The following C3orf20 variants were observed in gnomAD, a reference collection of about 807,000 sequenced individuals.
C3orf20 encodes the protein uncharacterized protein C3orf20.
Under a neutral mutation model 88.3 loss-of-function variants are expected in C3orf20, and 76 were observed. The observed-to-expected ratio is 0.86, with a 90% CI of 0.72 to 1.04. The LOEUF is 1.04. C3orf20 is among the 50% of genes least tolerant of loss of function. The pLI is 0.00. For synonymous variants in C3orf20, 436 were observed against 437.4 expected (o/e 1.00, Z 0.04); for missense variants, 1,056 against 1,123.3 (o/e 0.94, Z 0.86).
intron 7 of C3orf20, among the ~76,000 whole-genome samples, chr3:14,712,003 G>C (rs183817309): frequency 6.6e-6 from 1 of 151,706 alleles, no homozygotes; most frequent in East Asian, 1.9e-4. Flanking sequence ...TGGGTTAAAT[G>C]GTGTCTCTCA....
Position 14,714,119 on chromosome 3 carries a change from A to G in C3orf20, c.1273A>G (p.Thr425Ala). ...PGFSLLALFN[T>A]EGQGCVHYNL... Reference sequence around the variant, plus strand: ...ATTCTCCTTGCTGGCCCTATTCAATACTGAAGGCCAGGGCTGTGTTCACTA... The same window carrying G: ...ATTCTCCTTGCTGGCCCTATTCAATGCTGAAGGCCAGGGCTGTGTTCACTA... The change falls in exon 8 of 17, where the codon ACT becomes GCT. Residue 425 changes from threonine to alanine, a missense_variant. Coordinates refer to ENST00000253697, the MANE Select transcript of C3orf20 (RefSeq NM_032137.5). 6.2e-7 allele frequency: 1 copy of G among 1,614,048 alleles called. No individual in the cohort carries two copies. The highest frequency in any genetic ancestry group is 8.5e-7 in the Non-Finnish European group (1 of 1,180,008).
chr3:14,703,395 T>C (rs2033359763), intron 6 of C3orf20, 133 bp downstream of exon 6: 2 of 1,425,150 alleles, frequency 1.4e-6, no homozygotes, highest in Non-Finnish European at 1.9e-6. Flanking sequence ...GAGCGTGGGT[T>C]ATGTGGTACT....
At chr3:14,693,350 A>G (rs2032825696) in intron 5 of C3orf20, among the ~76,000 whole-genome samples, 1 of 152,322 alleles carries the variant, frequency 6.6e-6, no homozygotes, top group Non-Finnish European at 1.5e-5. Context: ...CTTCCAATCC[A>G]TGAACATGGA....
chr3:14,740,500 A>G (rs1202069727), intron 12 of C3orf20, among the ~76,000 whole-genome samples: 1 of 152,232 alleles, frequency 6.6e-6, no homozygotes, highest in East Asian at 1.9e-4. Context: ...TGCAGGAATT[A>G]CCAAATGTGA....
Position 14,759,986 on chromosome 3 carries a change from G to T in C3orf20, c.2340G>T (p.Gln780His), listed in dbSNP as rs1269799819. 1.9e-6 allele frequency: 3 copies of T among 1,613,882 alleles called. No homozygotes were observed. The highest frequency in any genetic ancestry group is 1.7e-6 in the Non-Finnish European group (2 of 1,179,740). ...TGGTGAAGAAGAACTCTGTGGTGCAGGGGATGATTCTGGTGAGCCAGCAGG... is the reference window on the plus strand; with the variant it reads ...TGGTGAAGAAGAACTCTGTGGTGCATGGGATGATTCTGGTGAGCCAGCAGG... ...PLMVKKNSVV[Q>H]GMILMFAGGK... The change falls in exon 14 of 17, where the codon CAG becomes CAT. Residue 780 changes from glutamine to histidine, a missense_variant. By Grantham distance (24) the Gln-to-His change is conservative. Coordinates refer to ENST00000253697, the MANE Select transcript of C3orf20 (RefSeq NM_032137.5).
At chr3:14,704,087 C>G (rs1276432461) in intron 6 of C3orf20, among the ~76,000 whole-genome samples, 1 of 152,186 alleles carries the variant, frequency 6.6e-6, no homozygotes, top group African/African-American at 2.4e-5. Flanking sequence ...ACACACACTC[C>G]TACTCCATAG....
At chr3:14,757,733 C>A (rs2035422268) in intron 13 of C3orf20, 59 bp downstream of exon 13, 1 of 1,490,374 alleles carries the variant, frequency 6.7e-7, no homozygotes, top group African/African-American at 1.4e-5. Flanking sequence ...GTGGGGCAGT[C>A]CGAGAAAACC....
chr3:14,755,887 G>A (rs529713861), intron 12 of C3orf20, among the ~76,000 whole-genome samples: 226 of 152,008 alleles, frequency 1.5e-3, no homozygotes, highest in Non-Finnish European at 2.7e-3. Context: ...AACTTAGCCA[G>A]GCGTGGTGGT....
intron 12 of C3orf20, among the ~76,000 whole-genome samples, chr3:14,750,576 T>C (rs2035190872): frequency 6.6e-6 from 1 of 151,024 alleles, no homozygotes. Flanking sequence ...AAAAAAATTC[T>C]AGGCTGACAA....
intron 6 of C3orf20, 107 bp from the exon 7 acceptor site, chr3:14,704,230 C>T (rs2124936913): frequency 2.6e-6 from 3 of 1,169,784 alleles, no homozygotes; most frequent in Middle Eastern, 5.5e-4. Flanking sequence ...ACTTTGGGGA[C>T]AGGGGAATGG....
At chr3:14,770,555 C>T (rs1269375851) in intron 15 of C3orf20, among the ~76,000 whole-genome samples, 2 of 152,180 alleles carry the variant, frequency 1.3e-5, no homozygotes, top group African/African-American at 4.8e-5. Context: ...AGTCCCTCCA[C>T]ACCCACTTCC....
chr3:14,727,431 G>A (rs1384993982), intron 11 of C3orf20, among the ~76,000 whole-genome samples: 2 of 151,986 alleles, frequency 1.3e-5, no homozygotes, highest in Non-Finnish European at 2.9e-5. Context: ...TTCTTTTTGT[G>A]GATCTCAGAA....
At chr3:14,699,879 A>C (rs2033175337) in intron 5 of C3orf20, among the ~76,000 whole-genome samples, 1 of 152,130 alleles carries the variant, frequency 6.6e-6, no homozygotes, top group Non-Finnish European at 1.5e-5. Context: ...GTTTATTTAG[A>C]ACTCCAGAGC....
rs1000381781 is a variant in C3orf20 at position 14,772,846 on chromosome 3, A to T, written c.2686A>T (p.Ser896Cys). 3.7e-6 allele frequency: 6 copies of T among 1,614,074 alleles called. No individual in the cohort carries two copies. Among genetic ancestry groups the T allele is most frequent in the Non-Finnish European group, 8.5e-7 (1 of 1,179,970 alleles). Residue 896 changes from serine to cysteine, a missense_variant, in exon 17 of 17, where the codon AGT becomes TGT. Coordinates refer to ENST00000253697, the MANE Select transcript of C3orf20 (RefSeq NM_032137.5). The surrounding 1 kb of genome is among the most constrained non-coding windows in gnomAD (Gnocchi z 4.2). ...TCTCAGCAGGGACAGCAAGATAACT[A>T]GTTGGAAGAAGCAGGCCTCCAAGAA... ...HPLSRDSKIT[S>C]WKKQASKK
Position 14,703,205 on chromosome 3 carries a change from A to G in C3orf20, c.821A>G (p.Glu274Gly), listed in dbSNP as rs760384055. The change falls in exon 6 of 17, where the codon GAG becomes GGG. Residue 274 changes from glutamate to glycine, a missense_variant. Coordinates refer to ENST00000253697, the MANE Select transcript of C3orf20 (RefSeq NM_032137.5). The stretch of plus-strand genomic sequence containing the variant: ...GTGGGAACCCCTGCCAACAGCCTGG[A>G]GTTCAGCGACCCCTGCCCTGAGGCC... ...RGVGTPANSL[E>G]FSDPCPEARE... The G allele has an allele frequency of 1.2e-6, 2 of 1,614,158 alleles. No individual in the cohort carries two copies. Among genetic ancestry groups the G allele is most frequent in the Non-Finnish European group, 1.7e-6 (2 of 1,180,014 alleles).
chr3:14,767,522 GGAGTGAGTT>G (rs2035748546), intron 15 of C3orf20: 1 of 152,204 alleles, frequency 6.6e-6, no homozygotes, highest in African/African-American at 2.4e-5. Flanking sequence ...CATTCTCAGA[GGAGTGAGTT>G]GAGAGGATCA....
chr3:14,751,566 G>A (rs1201904639), intron 12 of C3orf20, among the ~76,000 whole-genome samples: 1 of 152,184 alleles, frequency 6.6e-6, no homozygotes, highest in East Asian at 1.9e-4. Flanking sequence ...TGACATGATT[G>A]TATATTTAGA....
chr3:14,691,179 C>T (rs1435335524), intron 5 of C3orf20, among the ~76,000 whole-genome samples: 1 of 152,206 alleles, frequency 6.6e-6, no homozygotes, highest in Non-Finnish European at 1.5e-5. Context: ...GAGCTGACCT[C>T]CTCCTTCCGG....
Position 14,690,053 on chromosome 3 carries a change from C to T in C3orf20, c.682C>T (p.His228Tyr). The T allele has an allele frequency of 6.2e-7, 1 of 1,614,220 alleles. No homozygotes were observed. Among genetic ancestry groups the T allele is most frequent in the Middle Eastern group, 1.6e-4 (1 of 6,062 alleles). The change falls in exon 5 of 17, where the codon CAC becomes TAC. Residue 228 changes from histidine (H) to tyrosine (Y), a missense_variant. Coordinates refer to ENST00000253697, the MANE Select transcript of C3orf20 (RefSeq NM_032137.5). ...GVNSPYQLIY[H>Y]SSTACLSFSL... is the part of the protein sequence containing the mutation. ...GAACTCGCCTTACCAGCTGATCTAC[C>T]ACTCTTCCACAGCCTGTCTGAGCTT...
Sources: gnomAD v4.1 joint callset for allele counts (sites outside exome capture counted in the v4.1 genomes callset) on GRCh38, gnomAD v4.1.1 for gene constraint, Gnocchi (gnomAD v3.1) non-coding constraint, MANE v1.5 for transcripts, NCBI Gene and HGNC (gene_info 2026-07-23, HGNC 2026-07-21) for gene names.